The following SEMA3E variants were observed in gnomAD, a reference collection of about 807,000 sequenced individuals.
SEMA3E encodes semaphorin-3E.
In SEMA3E, 49 loss-of-function variants were observed where a neutral mutation model predicts 93.6. That is an observed-to-expected ratio of 0.52 (90% confidence interval 0.42 to 0.66). The LOEUF (loss-of-function observed/expected upper bound fraction) is 0.66, where lower values mean the gene tolerates loss of function less well. Among genes scored for constraint, SEMA3E ranks in the 30% least tolerant of loss-of-function variants. The pLI, the probability that SEMA3E is intolerant of heterozygous loss-of-function variation, is 0.00. For synonymous variants in SEMA3E, 363 were observed against 330.7 expected, an observed-to-expected ratio of 1.10 and a Z score of -1.06; for missense variants, 906 against 964.8, an observed-to-expected ratio of 0.94 and a Z score of 0.81.
intron 1 of SEMA3E, among the ~76,000 whole-genome samples, chr7:83,600,638 C>T (rs13311447): frequency 6.6e-6 from 1 of 151,458 alleles, no homozygotes; most frequent in East Asian, 1.9e-4. Context: ...TCAGCCACGG[C>T]GCCTGGCCGA....
chr7:83,589,278 C>T lies in SEMA3E; in HGVS notation c.115+59150G>A, dbSNP rs369536452. Among the ~76,000 whole-genome samples, 9 of 152,080 alleles carry T rather than the reference C, an allele frequency of 5.9e-5. 1 individual carries two copies. In the East Asian group the frequency reaches 1.2e-3, roughly 20 times the overall value. ...AATTATTCCTTTTTTTTACACTCCTCTCTTGTTTCTTCAGAGTGAGTTTCT... is the reference window on the plus strand; with the variant it reads ...AATTATTCCTTTTTTTTACACTCCTTTCTTGTTTCTTCAGAGTGAGTTTCT... On this transcript the variant is annotated intron_variant, in intron 1 of 16. Coordinates refer to ENST00000643230, the MANE Select transcript of SEMA3E (RefSeq NM_012431.3).
chr7:83,461,071 T>G (rs1179682418), intron 4 of SEMA3E, among the ~76,000 whole-genome samples: 3 of 152,056 alleles, frequency 2.0e-5, no homozygotes, highest in Non-Finnish European at 2.9e-5. Flanking sequence ...TGGACAGTAG[T>G]TCCAAATAGC....
At position 83,364,039 on chromosome 7, in the gene SEMA3E, C is replaced by G. The variant is rs971611600; in HGVS notation, c.*3547G>C. 6.6e-6 allele frequency: 1 copy of G among 150,928 alleles called. No individual in the cohort carries two copies. Among genetic ancestry groups the G allele is most frequent in the Non-Finnish European group, 1.5e-5 (1 of 67,708 alleles). The allele number at this position is 150,928 out of a possible 1,614,324, so 9.3% of individuals were successfully genotyped here. A position where few individuals can be genotyped will look rare whatever the true frequency, so the allele number is the denominator to read the frequency against. ...CCTCCCAAGTAGCTGGGACTACAGGCGCCCGCCACCGCGCCCGGCTAATTT... is the reference window on the plus strand; with the variant it reads ...CCTCCCAAGTAGCTGGGACTACAGGGGCCCGCCACCGCGCCCGGCTAATTT... On this transcript the variant is annotated 3_prime_UTR_variant, in exon 17 of 17. Coordinates refer to ENST00000643230, the MANE Select transcript of SEMA3E (RefSeq NM_012431.3).
chr7:83,591,331 T>C (rs1792753414), intron 1 of SEMA3E, among the ~76,000 whole-genome samples: 1 of 152,042 alleles, frequency 6.6e-6, no homozygotes, highest in Admixed American at 6.6e-5. Flanking sequence ...TTTTATAGTA[T>C]GGTAATTTTG....
chr7:83,627,293 G>T (rs1247758542), intron 1 of SEMA3E, among the ~76,000 whole-genome samples: 2 of 152,084 alleles, frequency 1.3e-5, no homozygotes, highest in East Asian at 3.9e-4. Context: ...GTCTAATATT[G>T]ACAGTGGGGT....
intron 13 of SEMA3E, among the ~76,000 whole-genome samples, chr7:83,393,364 T>C (rs1315512567): frequency 1.3e-5 from 2 of 152,024 alleles, no homozygotes; most frequent in African/African-American, 4.8e-5. Flanking sequence ...CGAAACCCTG[T>C]CTCTACAAAA....
chr7:83,466,872 T>TA (rs1234107842), intron 3 of SEMA3E, among the ~76,000 whole-genome samples: 1 of 152,056 alleles, frequency 6.6e-6, no homozygotes, highest in Non-Finnish European at 1.5e-5. Context: ...AACTGAGGAA[T>TA]AAAAAAAGCA....
chr7:83,400,766 C>T (rs1405246652), intron 10 of SEMA3E, among the ~76,000 whole-genome samples: 1 of 152,092 alleles, frequency 6.6e-6, no homozygotes, highest in Non-Finnish European at 1.5e-5. Context: ...TGTTTAACAT[C>T]ATACATATTC....
chr7:83,505,375 TCAAA>T (rs1355867665), intron 1 of SEMA3E, among the ~76,000 whole-genome samples: 1 of 152,042 alleles, frequency 6.6e-6, no homozygotes, highest in African/African-American at 2.4e-5. Flanking sequence ...TCTATTAACC[TCAAA>T]CAAATAAAAG....
intron 1 of SEMA3E, among the ~76,000 whole-genome samples, chr7:83,571,601 AC>A (rs1211640797): frequency 6.6e-6 from 1 of 152,182 alleles, no homozygotes; most frequent in Non-Finnish European, 1.5e-5. Flanking sequence ...TCTATGACAA[AC>A]CCACAGCCAA....
intron 2 of SEMA3E, among the ~76,000 whole-genome samples, chr7:83,487,347 A>AT: frequency 6.6e-6 from 1 of 152,120 alleles, no homozygotes; most frequent in East Asian, 1.9e-4. Flanking sequence ...GTCACATAAT[A>AT]TTTTGGTCCA....
chr7:83,531,749 G>C (rs1791306366), intron 1 of SEMA3E, among the ~76,000 whole-genome samples: 1 of 152,076 alleles, frequency 6.6e-6, no homozygotes, highest in African/African-American at 2.4e-5. Flanking sequence ...TTCCAAGTTA[G>C]AGCAGATACT....
intron 1 of SEMA3E, among the ~76,000 whole-genome samples, chr7:83,583,720 G>A (rs1020774993): frequency 1.3e-5 from 2 of 152,282 alleles, no homozygotes; most frequent in Admixed American, 1.3e-4. Context: ...TGTCTTTCAT[G>A]TGATATGTTA....
At chr7:83,498,123 A>C (rs1790524793) in intron 1 of SEMA3E, among the ~76,000 whole-genome samples, 1 of 152,070 alleles carries the variant, frequency 6.6e-6, no homozygotes, top group Non-Finnish European at 1.5e-5. Flanking sequence ...AGCTTATTTG[A>C]TTGTAACAAT....
intron 2 of SEMA3E, among the ~76,000 whole-genome samples, chr7:83,471,093 T>G (rs2713184): frequency 0.68 from 102,878 of 151,170 alleles, 36,659 homozygotes; most frequent in Non-Finnish European, 0.79. Context: ...TGAACAGTTT[T>G]CTCTGTACAT....
At chr7:83,495,821 T>C (rs1483475246) in intron 1 of SEMA3E, among the ~76,000 whole-genome samples, 1 of 151,976 alleles carries the variant, frequency 6.6e-6, no homozygotes, top group East Asian at 1.9e-4. Context: ...ATTCAGGCTC[T>C]TCTAGAGACC....
At chr7:83,405,698 G>A (rs558798565) in intron 8 of SEMA3E, among the ~76,000 whole-genome samples, 179 bp from the exon 9 acceptor site, 8 of 152,066 alleles carry the variant, frequency 5.3e-5, no homozygotes, top group Non-Finnish European at 1.0e-4. Flanking sequence ...TATTCTGGGT[G>A]GCCTTGAGCT....
intron 4 of SEMA3E, among the ~76,000 whole-genome samples, chr7:83,422,730 T>A (rs555441784): frequency 6.6e-6 from 1 of 152,344 alleles, no homozygotes; most frequent in Non-Finnish European, 1.5e-5. Flanking sequence ...CTAATGGGTA[T>A]AATTAGACAC....
intron 4 of SEMA3E, among the ~76,000 whole-genome samples, chr7:83,435,145 C>CT (rs1331798719): frequency 6.6e-6 from 1 of 152,134 alleles, no homozygotes; most frequent in Non-Finnish European, 1.5e-5. Flanking sequence ...AAGTTCTACT[C>CT]TTTTTCTCAT....
Sources: gnomAD v4.1 joint callset for allele counts (sites outside exome capture counted in the v4.1 genomes callset) on GRCh38, gnomAD v4.1.1 for gene constraint, MANE v1.5 for transcripts, NCBI Gene and HGNC (gene_info 2026-07-23, HGNC 2026-07-21) for gene names.